The following NAV2 variants were observed in gnomAD, a reference collection of about 807,000 sequenced individuals.
NAV2 encodes the protein neuron navigator 2, also known as helicase, APC down-regulated 1.
A neutral mutation model predicts 223.2 loss-of-function variants in NAV2; 54 were observed. The observed-to-expected ratio is 0.24, with a 90% CI of 0.19 to 0.30. The LOEUF (loss-of-function observed/expected upper bound fraction) is 0.30, where lower values mean the gene tolerates loss of function less well. NAV2 is among the 10% of genes least tolerant of loss of function. The pLI is 1.00. For synonymous variants in NAV2, 1,279 were observed against 1,239.3 expected (o/e 1.03, Z -0.67); for missense variants, 2,806 against 3,147.5 (o/e 0.89, Z 2.60).
chr11:19,353,423 T>C (rs939455890), intron 1 of NAV2, among the ~76,000 whole-genome samples: 4 of 152,190 alleles, frequency 2.6e-5, no homozygotes, highest in Non-Finnish European at 5.9e-5. Context: ...GCATATACCT[T>C]CTGCAGTGAA....
chr11:19,966,146 G>A (rs1000211882), intron 10 of NAV2, among the ~76,000 whole-genome samples: 1 of 152,176 alleles, frequency 6.6e-6, no homozygotes, highest in Non-Finnish European at 1.5e-5. Flanking sequence ...GGTCAAAGCA[G>A]TCACGAGCCC....
chr11:19,867,677 A>G (rs1223884551), intron 3 of NAV2, among the ~76,000 whole-genome samples: 1 of 152,198 alleles, frequency 6.6e-6, no homozygotes, highest in Non-Finnish European at 1.5e-5. Flanking sequence ...ATGGGAACCT[A>G]TGCTAAAAAT....
chr11:19,618,400 AGATGGATGGATG>A (rs151139118), intron 1 of NAV2, among the ~76,000 whole-genome samples: 2 of 66,588 alleles, frequency 3.0e-5, no homozygotes, highest in African/African-American at 6.0e-5. Flanking sequence ...ATGGATGAAT[AGATGGATGGATG>A]GATGGATGGA....
At chr11:19,467,878 G>A (rs961391503) in intron 1 of NAV2, among the ~76,000 whole-genome samples, 3 of 152,210 alleles carry the variant, frequency 2.0e-5, no homozygotes, top group East Asian at 1.9e-4. Flanking sequence ...CTGAAGAAGT[G>A]GGCTGCAGAG....
chr11:19,586,704 A>G (rs1293775901), intron 1 of NAV2, among the ~76,000 whole-genome samples: 1 of 152,236 alleles, frequency 6.6e-6, no homozygotes, highest in Non-Finnish European at 1.5e-5. Context: ...AATATTGCAG[A>G]ACAGCAAATG....
rs1365544306 is a variant in NAV2, at chr11:19,868,925, A to G, written c.439A>G (p.Ile147Val). 6.2e-7 allele frequency: 1 copy of G among 1,613,658 alleles called. No individual in the cohort carries two copies. The highest frequency in any genetic ancestry group is 1.7e-5 in the Admixed American group (1 of 59,994). Residue 147 changes from isoleucine to valine, a missense_variant and splice_region_variant, in exon 4 of 38, where the codon ATT (isoleucine) becomes GTT (valine). Ile to Val is a conservative substitution (Grantham distance 29). Around this residue, in one of 4 missense-constraint regions of NAV2, gnomAD observed 1,167 missense variants for 1,180.5 expected, o/e 0.99. Transcript: ENST00000349880. ...ATATATTGTTGTTTTTCCCTCCTAG[A>G]TTGAAAACATAGATGCCTGCTTGAA... ...NGCPKNRSQMIENIDACLNFL... is the reference protein window; with the variant it reads ...NGCPKNRSQMVENIDACLNFL...
intron 6 of NAV2, among the ~76,000 whole-genome samples, chr11:19,899,104 C>G (rs1028099790): frequency 2.0e-5 from 3 of 152,124 alleles, no homozygotes; most frequent in African/African-American, 7.2e-5. Flanking sequence ...GGCTATTGCA[C>G]CTCATCTGAT....
At chr11:19,945,012 C>T (rs905487061) in intron 8 of NAV2, among the ~76,000 whole-genome samples, 6 of 143,270 alleles carry the variant, frequency 4.2e-5, no homozygotes, top group Non-Finnish European at 7.5e-5. Context: ...TTTTCCTTTC[C>T]TTTCCTTTTC....
At chr11:19,427,263 T>C (rs1346638557) in intron 1 of NAV2, among the ~76,000 whole-genome samples, 1 of 152,250 alleles carries the variant, frequency 6.6e-6, no homozygotes, top group African/African-American at 2.4e-5. Flanking sequence ...ACACTTGACG[T>C]GGGCTATAAA....
intron 11 of NAV2, among the ~76,000 whole-genome samples, chr11:20,034,964 G>A (rs575033102): frequency 7.2e-5 from 11 of 152,278 alleles, no homozygotes; most frequent in African/African-American, 2.4e-4. Context: ...ATGGAGAGGG[G>A]TGCAAAACAG....
chr11:19,748,816 G>A (rs942570860), intron 1 of NAV2, among the ~76,000 whole-genome samples: 1 of 152,222 alleles, frequency 6.6e-6, no homozygotes, highest in African/African-American at 2.4e-5. Flanking sequence ...GCAAGACAAT[G>A]AGCATATCCC....
intron 1 of NAV2, among the ~76,000 whole-genome samples, chr11:19,633,811 C>T (rs1217691563): frequency 2.0e-5 from 3 of 152,226 alleles, no homozygotes; most frequent in Non-Finnish European, 4.4e-5. Context: ...GACCCCTGTT[C>T]AGAAGGTAGG....
intron 1 of NAV2, among the ~76,000 whole-genome samples, chr11:19,393,647 T>G (rs1849329200): frequency 6.6e-6 from 1 of 152,366 alleles, no homozygotes; most frequent in East Asian, 1.9e-4. Context: ...CAAATTAAAA[T>G]TTATTTTTCC....
chr11:19,861,561 A>T (rs1165375534), intron 3 of NAV2, among the ~76,000 whole-genome samples: 1 of 152,220 alleles, frequency 6.6e-6, no homozygotes, highest in African/African-American at 2.4e-5. Flanking sequence ...TAGGTGTTAT[A>T]ATGACCATTT....
intron 1 of NAV2, among the ~76,000 whole-genome samples, chr11:19,548,695 C>T (rs1400549080): frequency 2.7e-5 from 4 of 148,828 alleles, no homozygotes; most frequent in Non-Finnish European, 4.4e-5. Flanking sequence ...GGTGAAACCC[C>T]GTCTCTACTA....
chr11:19,737,218 C>T (rs975185271), intron 1 of NAV2, among the ~76,000 whole-genome samples: 8 of 152,356 alleles, frequency 5.3e-5, no homozygotes, highest in Non-Finnish European at 1.0e-4. Flanking sequence ...TGGTCAATCC[C>T]AGCCACTGGA....
chr11:20,116,739 G>C (rs2063128261), intron 37 of NAV2, among the ~76,000 whole-genome samples: 1 of 152,166 alleles, frequency 6.6e-6, no homozygotes, highest in Non-Finnish European at 1.5e-5. Context: ...TGCCAGTCCA[G>C]CCACTTCCAT....
chr11:19,601,636 A>T (rs1028936183), intron 1 of NAV2, among the ~76,000 whole-genome samples: 8 of 152,122 alleles, frequency 5.3e-5, no homozygotes, highest in Admixed American at 6.6e-5. Flanking sequence ...AGTTTGGGGG[A>T]AAACTGGCAT....
chr11:20,047,492 T>C (rs540143182), intron 14 of NAV2, among the ~76,000 whole-genome samples: 1 of 152,260 alleles, frequency 6.6e-6, no homozygotes, highest in African/African-American at 2.4e-5. Context: ...AGGAGCAATA[T>C]GCAAAAGTCA....
Sources: allele counts gnomAD v4.1 joint callset (sites outside exome capture counted in the v4.1 genomes callset), GRCh38; gene constraint gnomAD v4.1.1; regional missense constraint gnomAD v4.1.1; transcripts MANE v1.5; gene names NCBI Gene and HGNC (gene_info 2026-07-23, HGNC 2026-07-21).